Variants in CMIP observed in about 807,000 individuals in gnomAD.
The protein encoded by CMIP is C-Maf-inducing protein.
Under a neutral mutation model 97.3 loss-of-function variants are expected in CMIP, and 13 were observed. The observed-to-expected ratio is 0.13, with a 90% CI of 0.09 to 0.21. The LOEUF is 0.21. Among genes scored for constraint, CMIP ranks in the 10% least tolerant of loss-of-function variants. CMIP has a pLI of 1.00. For synonymous variants in CMIP, 538 were observed against 436.3 expected (o/e 1.23, Z -2.91); for missense variants, 847 against 1,024.9 (o/e 0.83, Z 2.37).
chr16:81,626,442 A>G (rs1157070847), intron 3 of CMIP, among the ~76,000 whole-genome samples: 8 of 120,964 alleles, frequency 6.6e-5, no homozygotes, highest in African/African-American at 1.4e-4. Context: ...TGGGATGACT[A>G]TCTTATGAGT....
intron 1 of CMIP, among the ~76,000 whole-genome samples, chr16:81,539,947 C>T (rs1177416110): frequency 6.6e-6 from 1 of 152,222 alleles, no homozygotes; most frequent in Non-Finnish European, 1.5e-5. Flanking sequence ...CTGCCCCCAG[C>T]CCTGAGCACT....
In CMIP at chr16:81,711,051, C is replaced by G. The variant is rs973442104; in HGVS notation, c.*1252C>G. 7.0e-6 allele frequency: 1 copy of G among 142,740 alleles called. No individual in the cohort carries two copies. Among genetic ancestry groups the G allele is most frequent in the Non-Finnish European group, 1.5e-5 (1 of 65,900 alleles). 8.8% of individuals were successfully genotyped at this position (142,740 alleles called of 1,614,324 possible). On this transcript the variant is annotated 3_prime_UTR_variant, in exon 21 of 21. Transcript: ENST00000537098. ...CGCCACCCCCCACATGTGACCACTGCAACGAAGACACTCCTTCTGTCCCCA... is the reference window on the plus strand; with the variant it reads ...CGCCACCCCCCACATGTGACCACTGGAACGAAGACACTCCTTCTGTCCCCA...
intron 1 of CMIP, among the ~76,000 whole-genome samples, chr16:81,486,038 C>T (rs2089308990): frequency 6.6e-6 from 1 of 152,240 alleles, no homozygotes; most frequent in Non-Finnish European, 1.5e-5. Context: ...GAGCCTGGCA[C>T]CCGGCCTGAC....
At chr16:81,535,885 A>G (rs769561487) in intron 1 of CMIP, among the ~76,000 whole-genome samples, 7 of 152,192 alleles carry the variant, frequency 4.6e-5, no homozygotes, top group Non-Finnish European at 8.8e-5. Flanking sequence ...AGGTCAGTTT[A>G]CATGTTCCAG....
At chr16:81,643,046 G>C (rs947243485) in intron 3 of CMIP, among the ~76,000 whole-genome samples, 23 of 152,226 alleles carry the variant, frequency 1.5e-4, no homozygotes. Flanking sequence ...TTTATATGCA[G>C]TGGAAGACAC....
At chr16:81,506,778 G>A (rs938110983) in intron 1 of CMIP, among the ~76,000 whole-genome samples, 4 of 152,074 alleles carry the variant, frequency 2.6e-5, no homozygotes, top group African/African-American at 7.2e-5. Context: ...GGTGGTGTGC[G>A]CCTATAGCCC....
At chr16:81,575,983 C>T (rs935976047) in intron 1 of CMIP, among the ~76,000 whole-genome samples, 2 of 152,166 alleles carry the variant, frequency 1.3e-5, no homozygotes, top group African/African-American at 2.4e-5. Flanking sequence ...TGCCTGGTTG[C>T]GCTAAGCAGT....
intron 7 of CMIP, among the ~76,000 whole-genome samples, chr16:81,667,799 A>AGAGTGTGTGTGT: frequency 1.2e-3 from 69 of 58,130 alleles, no homozygotes; most frequent in South Asian, 3.2e-3. Context: ...AGAGAGAGAG[A>AGAGTGTGTGTGT]GTGTGTGTGT....
At chr16:81,647,325 G>T (rs2092375008) in intron 3 of CMIP, among the ~76,000 whole-genome samples, 2 of 152,148 alleles carry the variant, frequency 1.3e-5, no homozygotes, top group African/African-American at 4.8e-5. Flanking sequence ...GGCTTTGTGG[G>T]CCACATTGGA....
chr16:81,688,750 C>G (rs1028937964), intron 10 of CMIP, among the ~76,000 whole-genome samples: 1 of 152,096 alleles, frequency 6.6e-6, no homozygotes, highest in Non-Finnish European at 1.5e-5. Flanking sequence ...TGTTGATGTG[C>G]TGCACCCATT....
intron 13 of CMIP, among the ~76,000 whole-genome samples, chr16:81,695,019 T>G (rs1906543480): frequency 6.6e-6 from 1 of 152,178 alleles, no homozygotes; most frequent in Non-Finnish European, 1.5e-5. Flanking sequence ...AAACCCAGCC[T>G]TTGACGCTGG....
chr16:81,513,152 C>G (rs1434069944), intron 1 of CMIP, among the ~76,000 whole-genome samples: 2 of 152,208 alleles, frequency 1.3e-5, no homozygotes, highest in African/African-American at 2.4e-5. Context: ...CTCTGGTAAA[C>G]CTCTGAGTTC....
At chr16:81,459,520 A>G (rs559941454) in intron 1 of CMIP, among the ~76,000 whole-genome samples, 1 of 152,206 alleles carries the variant, frequency 6.6e-6, no homozygotes, top group East Asian at 1.9e-4. Context: ...TTAAGATATT[A>G]TTGGTGGTTT....
At chr16:81,535,319 C>T (rs1049311878) in intron 1 of CMIP, among the ~76,000 whole-genome samples, 9 of 152,108 alleles carry the variant, frequency 5.9e-5, no homozygotes, top group African/African-American at 1.9e-4. Context: ...GGTCAAGCAA[C>T]CTGCCCAAGG....
At chr16:81,660,840 G>A in intron 5 of CMIP, 44 bp from the exon 6 acceptor site, 1 of 1,611,614 alleles carries the variant, frequency 6.2e-7, no homozygotes, top group South Asian at 1.1e-5. Context: ...TCTTTCCGTG[G>A]CTATCTACCC....
intron 1 of CMIP, among the ~76,000 whole-genome samples, chr16:81,586,402 T>C (rs188983478): frequency 6.6e-6 from 1 of 152,306 alleles, no homozygotes; most frequent in Admixed American, 6.5e-5. Context: ...CACTGCCTAC[T>C]TGTTTGTAGA....
chr16:81,470,721 C>G (rs1181447551), intron 1 of CMIP, among the ~76,000 whole-genome samples: 1 of 152,234 alleles, frequency 6.6e-6, no homozygotes, highest in Non-Finnish European at 1.5e-5. Flanking sequence ...GTCTCCCATA[C>G]TGCTGGGATT....
intron 1 of CMIP, among the ~76,000 whole-genome samples, chr16:81,544,592 T>C (rs2090509562): frequency 6.6e-6 from 1 of 152,064 alleles, no homozygotes; most frequent in South Asian, 2.1e-4. Context: ...CTGGGTCCAG[T>C]GCAGGGTGCC....
At chr16:81,670,895 C>T (rs1234145192) in intron 8 of CMIP, among the ~76,000 whole-genome samples, 1 of 152,084 alleles carries the variant, frequency 6.6e-6, no homozygotes, top group East Asian at 1.9e-4. Context: ...GTGGCTCAGT[C>T]TCGGCTTACT....
Sources: allele counts gnomAD v4.1 joint callset (sites outside exome capture counted in the v4.1 genomes callset), GRCh38; gene constraint gnomAD v4.1.1; transcripts MANE v1.5; gene names NCBI Gene and HGNC (gene_info 2026-07-23, HGNC 2026-07-21).